BRINP3: variants seen among roughly 807,000 people sequenced by gnomAD.
BRINP3 encodes BMP/retinoic acid inducible neural specific 3.
A neutral mutation model predicts 71.0 loss-of-function variants in BRINP3; 19 were observed. The ratio of observed to expected loss-of-function variants is 0.27; its 90% confidence interval spans 0.19 to 0.39. The LOEUF is 0.39. Among genes scored for constraint, BRINP3 ranks in the 10% least tolerant of loss-of-function variants. The probability of loss-of-function intolerance (pLI) is 1.00; values close to 1 mark genes in which losing one functional copy is unlikely to be tolerated. For synonymous variants in BRINP3, 380 were observed against 337.7 expected, an observed-to-expected ratio of 1.13 and a Z score of -1.37; for missense variants, 959 against 940.8, an observed-to-expected ratio of 1.02 and a Z score of -0.25.
At chr1:190,148,223 C>G (rs1448232359) in intron 7 of BRINP3, among the ~76,000 whole-genome samples, 1 of 151,818 alleles carries the variant, frequency 6.6e-6, no homozygotes, top group African/African-American at 2.4e-5. Flanking sequence ...AATGAAATAT[C>G]AGTCTTCTCT....
rs540299587 is a variant in BRINP3 at position 190,235,800 on chromosome 1, C to A, written c.619-1323G>T. On this transcript the variant is annotated intron_variant, in intron 4 of 7. Coordinates refer to ENST00000367462, the MANE Select transcript of BRINP3 (RefSeq NM_199051.3). The stretch of plus-strand genomic sequence containing the variant: ...TTAAAGTGAATACCCCAAACTCTTC[C>A]AACATTTTTTTCTTTCTTACATTGT... Among the ~76,000 whole-genome samples, 6 of 152,072 alleles carry A rather than the reference C, an allele frequency of 3.9e-5. No individual in the cohort carries two copies. In the South Asian group the frequency reaches 1.2e-3, roughly 31 times the overall value.
At chr1:190,351,202 A>T (rs1165216077) in intron 2 of BRINP3, among the ~76,000 whole-genome samples, 3 of 152,040 alleles carry the variant, frequency 2.0e-5, no homozygotes, top group East Asian at 3.9e-4. Flanking sequence ...CATTTTAGAG[A>T]TCTTACACAT....
chr1:190,423,280 A>C (rs901147843), intron 2 of BRINP3, among the ~76,000 whole-genome samples: 1 of 151,584 alleles, frequency 6.6e-6, no homozygotes, highest in Non-Finnish European at 1.5e-5. Flanking sequence ...GACAGCTGAA[A>C]ATTTCTTTTT....
intron 2 of BRINP3, among the ~76,000 whole-genome samples, chr1:190,284,098 A>T (rs956590266): frequency 1.3e-5 from 2 of 152,034 alleles, no homozygotes; most frequent in African/African-American, 2.4e-5. Context: ...TACATGACTG[A>T]GAGTAAACAC....
chr1:190,371,208 T>C (rs1021311091), intron 2 of BRINP3, among the ~76,000 whole-genome samples: 3 of 152,228 alleles, frequency 2.0e-5, no homozygotes, highest in Non-Finnish European at 4.4e-5. Flanking sequence ...TTTTTGTATT[T>C]GTTGCCTGTG....
chr1:190,448,863 G>A (rs1675415069), intron 2 of BRINP3, among the ~76,000 whole-genome samples: 1 of 151,422 alleles, frequency 6.6e-6, no homozygotes, highest in Admixed American at 6.6e-5. Flanking sequence ...TTTATATGTA[G>A]CAGGAAATTT....
chr1:190,438,787 GTT>G lies in BRINP3; in HGVS notation c.236+15866_236+15867del, dbSNP rs1674632687. Among the ~76,000 whole-genome samples, 5 of 151,908 alleles carry G rather than the reference GTT, an allele frequency of 3.3e-5. No homozygotes were observed. The South Asian group carries it at 1.0e-3, about 32-fold the overall frequency. ...AGGCACTAACCAAGGAAGAGTAAAT[GTT>G]CCCTCTCAAGATGCCATAATAGTGA... On this transcript the variant is annotated intron_variant, in intron 2 of 7. Coordinates refer to ENST00000367462, the MANE Select transcript of BRINP3 (RefSeq NM_199051.3).
At chr1:190,262,911 G>A (rs1000281301) in intron 4 of BRINP3, among the ~76,000 whole-genome samples, 41 of 151,462 alleles carry the variant, frequency 2.7e-4, no homozygotes, top group East Asian at 9.7e-4. Context: ...GTGTGTGTGT[G>A]TATATATATA....
intron 2 of BRINP3, among the ~76,000 whole-genome samples, chr1:190,408,112 C>T (rs1179686036): frequency 1.3e-5 from 2 of 150,646 alleles, no homozygotes; most frequent in African/African-American, 4.9e-5. Context: ...AGCTCCGCCT[C>T]CCGGGTTCAC....
chr1:190,374,964 T>C (rs771233908), intron 2 of BRINP3, among the ~76,000 whole-genome samples: 9 of 151,906 alleles, frequency 5.9e-5, no homozygotes, highest in Admixed American at 2.6e-4. Flanking sequence ...AAGTACTCAA[T>C]AATTTAAAAA....
At position 190,476,525 on chromosome 1, in the gene BRINP3, T is replaced by A. The variant is rs373432111; in HGVS notation, c.-51+923A>T. Among the ~76,000 whole-genome samples, 168 of 152,302 alleles carry A rather than the reference T, an allele frequency of 1.1e-3. 5 individuals are homozygous for A. In the South Asian group the frequency reaches 0.022, roughly 20 times the overall value. ...CACAACTATACGGAAGAGGAGGTGA[T>A]AATCTTGTCAGTTAAGTCCATAGAA... On this transcript the variant is annotated intron_variant, in intron 1 of 7. Transcript: ENST00000367462.
chr1:190,234,213 A>ATATTT (rs1341654504), intron 5 of BRINP3, among the ~76,000 whole-genome samples, 159 bp downstream of exon 5: 7 of 152,198 alleles, frequency 4.6e-5, no homozygotes, highest in Non-Finnish European at 1.0e-4. Flanking sequence ...CTAGAATTTC[A>ATATTT]TATTTTCTTG....
chr1:190,175,805 C>T (rs945352150), intron 6 of BRINP3, among the ~76,000 whole-genome samples: 1 of 152,122 alleles, frequency 6.6e-6, no homozygotes, highest in African/African-American at 2.4e-5. Context: ...GGAGATGCTA[C>T]ATTTTGCTGC....
intron 7 of BRINP3, among the ~76,000 whole-genome samples, chr1:190,107,442 T>A (rs1476684323): frequency 6.6e-6 from 1 of 151,986 alleles, no homozygotes; most frequent in Non-Finnish European, 1.5e-5. Flanking sequence ...AAGATTTAAA[T>A]TCAATTTTTC....
intron 4 of BRINP3, among the ~76,000 whole-genome samples, chr1:190,239,860 C>T (rs545938022): frequency 2.0e-5 from 3 of 151,762 alleles, no homozygotes; most frequent in Non-Finnish European, 2.9e-5. Context: ...AATATAGTTT[C>T]GCAAAAAGAA....
At chr1:190,454,995 T>C in intron 1 of BRINP3, 55 bp from the exon 2 acceptor site, 1 of 836,344 alleles carries the variant, frequency 1.2e-6, no homozygotes. Context: ...TTTCTCTCAG[T>C]TAAGGTGTTG....
intron 2 of BRINP3, among the ~76,000 whole-genome samples, chr1:190,433,303 A>G (rs1008845719): frequency 2.0e-5 from 3 of 152,214 alleles, no homozygotes; most frequent in Non-Finnish European, 2.9e-5. Context: ...TAAACTTTCA[A>G]TGATCTCCCA....
chr1:190,424,570 C>T (rs1381931279), intron 2 of BRINP3, among the ~76,000 whole-genome samples: 3 of 151,598 alleles, frequency 2.0e-5, no homozygotes, highest in African/African-American at 7.2e-5. Flanking sequence ...CCCAACTTTG[C>T]CCCAGTAAGA....
At chr1:190,189,703 A>C (rs1653864726) in intron 6 of BRINP3, among the ~76,000 whole-genome samples, 1 of 151,882 alleles carries the variant, frequency 6.6e-6, no homozygotes, top group Non-Finnish European at 1.5e-5. Context: ...AAATTCACTG[A>C]TCTTGCTTAA....
Sources: allele counts gnomAD v4.1 joint callset (sites outside exome capture counted in the v4.1 genomes callset), GRCh38; gene constraint gnomAD v4.1.1; transcripts MANE v1.5; gene names NCBI Gene and HGNC (gene_info 2026-07-23, HGNC 2026-07-21).